The following LOC400499 variants were observed in gnomAD, a reference collection of about 807,000 sequenced individuals.
the LOC400499 span, chr16:11,494,493 C>G: frequency 5.7e-6 from 2 of 351,984 alleles, 1 homozygote; most frequent in Non-Finnish European, 1.0e-5. Flanking sequence ...CACCCCCACC[C>G]TCTCCACCTG....
the LOC400499 span, chr16:11,461,060 A>G: frequency 6.5e-7 from 1 of 1,536,112 alleles, no homozygotes; most frequent in Admixed American, 2.0e-5. Flanking sequence ...CCTGGCACAA[A>G]CAGCTCGGCA....
the LOC400499 span, among the ~76,000 whole-genome samples, chr16:11,382,868 C>CTTAGCTTAGTAGGGGGTAGGGAATCCA: frequency 6.6e-6 from 1 of 151,390 alleles, no homozygotes; most frequent in Non-Finnish European, 1.5e-5. Flanking sequence ...TCTGTGGACA[C>CTTAGCTTAGTAGGGGGTAGGGAATCCA]TTAGCTTAGT....
the LOC400499 span, among the ~76,000 whole-genome samples, chr16:11,375,600 A>G: frequency 6.6e-6 from 1 of 152,020 alleles, no homozygotes; most frequent in South Asian, 2.1e-4. Flanking sequence ...GGCGTGAGCC[A>G]CTGTGCCTGG....
At chr16:11,441,545 C>T in the LOC400499 span, among the ~76,000 whole-genome samples, 1 of 152,174 alleles carries the variant, frequency 6.6e-6, no homozygotes, top group Non-Finnish European at 1.5e-5. Context: ...ACATCCATGT[C>T]CTCATCACTG....
the LOC400499 span, chr16:11,462,132 G>C: frequency 6.6e-7 from 1 of 1,512,490 alleles, no homozygotes; most frequent in Non-Finnish European, 8.8e-7. Flanking sequence ...ACGTTGGCCT[G>C]GTCACTCAGC....
chr16:11,492,066 C>T, the LOC400499 span, among the ~76,000 whole-genome samples: 1 of 152,168 alleles, frequency 6.6e-6, no homozygotes. Context: ...CCAGCCCCAG[C>T]CTAGAGCCTC....
the LOC400499 span, among the ~76,000 whole-genome samples, chr16:11,471,028 T>G: frequency 0.012 from 1,886 of 152,294 alleles, 35 homozygotes; most frequent in African/African-American, 0.043. Flanking sequence ...GGGGCAGGAC[T>G]GCCAAGGGCC....
the LOC400499 span, among the ~76,000 whole-genome samples, chr16:11,405,909 A>C: frequency 6.6e-6 from 1 of 151,816 alleles, no homozygotes; most frequent in Non-Finnish European, 1.5e-5. Context: ...ACCATTCCCC[A>C]CCCACCCAGC....
the LOC400499 span, among the ~76,000 whole-genome samples, chr16:11,512,803 C>G: frequency 6.6e-6 from 1 of 152,148 alleles, no homozygotes; most frequent in Non-Finnish European, 1.5e-5. Context: ...CCTGGCAAGC[C>G]TGGATGCCCC....
At chr16:11,439,369 G>C in the LOC400499 span, 6 of 396,452 alleles carry the variant, frequency 1.5e-5, no homozygotes, top group Non-Finnish European at 2.2e-5. Context: ...TGCAAGTGTG[G>C]GCTCCCTCCC....
the LOC400499 span, among the ~76,000 whole-genome samples, chr16:11,387,972 C>G: frequency 6.6e-6 from 1 of 152,106 alleles, no homozygotes; most frequent in Non-Finnish European, 1.5e-5. Context: ...GGAACTTTCT[C>G]AGGATCTAGA....
the LOC400499 span, among the ~76,000 whole-genome samples, chr16:11,395,845 C>T: frequency 3.9e-5 from 6 of 152,084 alleles, no homozygotes; most frequent in African/African-American, 9.7e-5. Flanking sequence ...CAGCGGGAAC[C>T]GGTATCCAGA....
At chr16:11,459,152 G>A in the LOC400499 span, among the ~76,000 whole-genome samples, 15 of 150,214 alleles carry the variant, frequency 1.0e-4, no homozygotes, top group South Asian at 2.9e-3. Flanking sequence ...TCATTTGCAG[G>A]ACTGGATGTG....
the LOC400499 span, among the ~76,000 whole-genome samples, chr16:11,382,861 G>C: frequency 6.6e-6 from 1 of 152,156 alleles, no homozygotes. Flanking sequence ...ATGTGGCTCT[G>C]TGGACACTTA....
At chr16:11,497,461 G>A in the LOC400499 span, among the ~76,000 whole-genome samples, 7 of 152,244 alleles carry the variant, frequency 4.6e-5, no homozygotes, top group Admixed American at 1.3e-4. Context: ...GGGAGGGGCC[G>A]CCTGCTGGAG....
At chr16:11,430,802 C>G in the LOC400499 span, among the ~76,000 whole-genome samples, 1 of 152,214 alleles carries the variant, frequency 6.6e-6, no homozygotes, top group African/African-American at 2.4e-5. Flanking sequence ...AAGGCTCTGA[C>G]AAGTCCTGCA....
chr16:11,401,844 G>A, the LOC400499 span, among the ~76,000 whole-genome samples: 1 of 152,242 alleles, frequency 6.6e-6, no homozygotes, highest in Admixed American at 6.5e-5. Flanking sequence ...TGCCGTGGCT[G>A]TCAAGGTGTT....
the LOC400499 span, among the ~76,000 whole-genome samples, chr16:11,525,418 GT>G: frequency 8.6e-5 from 13 of 152,012 alleles, no homozygotes; most frequent in African/African-American, 1.7e-4. Flanking sequence ...ATCTGGCAGG[GT>G]TTTTTTCTCC....
the LOC400499 span, among the ~76,000 whole-genome samples, chr16:11,507,475 T>C: frequency 6.6e-6 from 1 of 152,214 alleles, no homozygotes. Context: ...TATCACTTGC[T>C]AGCAGTGTGG....
Sources: allele counts gnomAD v4.1 joint callset (sites outside exome capture counted in the v4.1 genomes callset), GRCh38; gene constraint gnomAD v4.1.1; transcripts MANE v1.5.